Variants in JAKMIP1 observed in about 807,000 individuals in gnomAD.
JAKMIP1 encodes the protein janus kinase and microtubule interacting protein 1.
In JAKMIP1, 33 loss-of-function variants were observed where a neutral mutation model predicts 113.0. The observed-to-expected ratio is 0.29, with a 90% CI of 0.22 to 0.39. JAKMIP1 has a LOEUF of 0.39. Among genes scored for constraint, JAKMIP1 ranks in the 10% least tolerant of loss-of-function variants. JAKMIP1 has a pLI of 1.00. For missense variants in JAKMIP1, 813 were observed against 1,080.5 expected (o/e 0.75, Z 3.47); for synonymous variants, 480 against 459.9 (o/e 1.04, Z -0.56).
chr4:6,128,239 C>A (rs2108929374), intron 1 of JAKMIP1, among the ~76,000 whole-genome samples: 1 of 152,336 alleles, frequency 6.6e-6, no homozygotes, highest in Non-Finnish European at 1.5e-5. Flanking sequence ...GTTGTCTGGG[C>A]CTCAGTTTCC....
At chr4:6,120,721 A>G (rs999186882) in intron 1 of JAKMIP1, among the ~76,000 whole-genome samples, 1 of 152,184 alleles carries the variant, frequency 6.6e-6, no homozygotes, top group Non-Finnish European at 1.5e-5. Context: ...TTCTCTTTTG[A>G]GCAGAACTGA....
chr4:6,155,983 G>T lies in JAKMIP1; in HGVS notation c.-147-42986C>A, dbSNP rs918931322. Among the ~76,000 whole-genome samples, 2 of 152,234 alleles carry T rather than the reference G, an allele frequency of 1.3e-5. No individual in the cohort carries two copies. The highest frequency in any genetic ancestry group is 4.8e-5 in the African/African-American group (2 of 41,462). ...CTGCCACGGAAAGGGTCAGCTCTGT[G>T]ACTTCTGTCCGTGGTGGGTTCCTCA... On this transcript the variant is annotated intron_variant, in intron 1 of 20. Coordinates refer to ENST00000409021, the MANE Select transcript of JAKMIP1 (RefSeq NM_001099433.2). The surrounding 1 kb of genome is among the most constrained non-coding windows in gnomAD (Gnocchi z 6.1).
Position 6,185,695 on chromosome 4 carries a change from A to G in JAKMIP1, c.-148+14558T>C, listed in dbSNP as rs1270257080. ...AGCTGCAGAGTCCCTGATCCAGGAG[A>G]TCAGGGTGGGGCCAGAGGACCTGTG... On this transcript the variant is annotated intron_variant, in intron 1 of 20. Coordinates refer to ENST00000409021, the MANE Select transcript of JAKMIP1 (RefSeq NM_001099433.2). The surrounding 1 kb of genome is among the most constrained non-coding windows in gnomAD (Gnocchi z 5.3). Among the ~76,000 whole-genome samples, 1 of 152,068 alleles carries G rather than the reference A, an allele frequency of 6.6e-6. No individual in the cohort carries two copies.
intron 1 of JAKMIP1, among the ~76,000 whole-genome samples, chr4:6,123,265 A>G (rs1227459889): frequency 6.6e-6 from 1 of 152,174 alleles, no homozygotes; most frequent in Non-Finnish European, 1.5e-5. Context: ...TGCACACCAC[A>G]CAGTAGGCAA....
chr4:6,145,942 G>A (rs1720789400), intron 1 of JAKMIP1, among the ~76,000 whole-genome samples: 2 of 152,220 alleles, frequency 1.3e-5, no homozygotes, highest in South Asian at 2.1e-4. Flanking sequence ...TCCAAATACT[G>A]TCACATTCTG....
intron 1 of JAKMIP1, among the ~76,000 whole-genome samples, chr4:6,130,905 G>T (rs1343247249): frequency 1.3e-5 from 2 of 151,920 alleles, no homozygotes; most frequent in Non-Finnish European, 2.9e-5. Context: ...CAGGCGCGAT[G>T]GTTCAAACCT....
At chr4:6,036,621 A>G (rs973090081) in intron 18 of JAKMIP1, among the ~76,000 whole-genome samples, 13 of 152,192 alleles carry the variant, frequency 8.5e-5, no homozygotes, top group Non-Finnish European at 1.5e-5. Context: ...AACAAAAGCA[A>G]GCCACCCTTT....
rs1720036536 is a variant in JAKMIP1, at chr4:6,140,841, C to T, written c.-147-27844G>A. Among the ~76,000 whole-genome samples, 1 of 152,194 alleles carries T rather than the reference C, an allele frequency of 6.6e-6. No individual in the cohort carries two copies. Among genetic ancestry groups the T allele is most frequent in the Non-Finnish European group, 1.5e-5 (1 of 68,048 alleles). On this transcript the variant is annotated intron_variant, in intron 1 of 20. Transcript: ENST00000409021. This position sits in a 1 kb window ranked among gnomAD's most constrained non-coding sequence, Gnocchi z 9.4. Reference sequence around the variant, plus strand: ...AAAATTACTGACCTCAGGTCAGCCACAGGCACTGGTTGGAGCTCATCTGTC... The same window carrying T: ...AAAATTACTGACCTCAGGTCAGCCATAGGCACTGGTTGGAGCTCATCTGTC...
intron 1 of JAKMIP1, among the ~76,000 whole-genome samples, chr4:6,177,759 CCCA>C (rs1296791363): frequency 6.6e-6 from 1 of 152,192 alleles, no homozygotes; most frequent in Non-Finnish European, 1.5e-5. Context: ...CCACTCCACC[CCCA>C]ATGCCACTAC....
chr4:6,090,796 T>A (rs1041448097), intron 3 of JAKMIP1, among the ~76,000 whole-genome samples: 1 of 150,458 alleles, frequency 6.6e-6, no homozygotes, highest in African/African-American at 2.5e-5. Context: ...AACTAGAGTG[T>A]CACTCCCCAT....
intron 1 of JAKMIP1, among the ~76,000 whole-genome samples, chr4:6,172,389 G>T (rs1724833750): frequency 6.6e-6 from 1 of 152,184 alleles, no homozygotes; most frequent in Admixed American, 6.5e-5. Flanking sequence ...AATGAGGAAG[G>T]ACTGGGAATA....
chr4:6,048,949 T>C, intron 15 of JAKMIP1, 27 bp from the exon 16 acceptor site: 1 of 1,591,100 alleles, frequency 6.3e-7, no homozygotes, highest in South Asian at 1.1e-5. Context: ...GGCAAGGGCA[T>C]TTGACACTGG....
rs368998935 is a variant in JAKMIP1 at position 6,153,639 on chromosome 4, G to A, written c.-147-40642C>T. Among the ~76,000 whole-genome samples the A allele has an allele frequency of 4.6e-5, 7 of 152,238 alleles. No individual in the cohort carries two copies. The highest frequency in any genetic ancestry group is 7.4e-5 in the Non-Finnish European group (5 of 68,018). ...TTTTGTGGAAGGCCATCATGTTCCCGTGTGCCCCTCGGCACCTTACCTTTA... is the reference window on the plus strand; with the variant it reads ...TTTTGTGGAAGGCCATCATGTTCCCATGTGCCCCTCGGCACCTTACCTTTA... On this transcript the variant is annotated intron_variant, in intron 1 of 20. Coordinates refer to ENST00000409021, the MANE Select transcript of JAKMIP1 (RefSeq NM_001099433.2). This position sits in a 1 kb window ranked among gnomAD's most constrained non-coding sequence, Gnocchi z 4.9.
intron 8 of JAKMIP1, among the ~76,000 whole-genome samples, chr4:6,073,781 T>C (rs1719304651): frequency 6.6e-6 from 1 of 152,228 alleles, no homozygotes; most frequent in Non-Finnish European, 1.5e-5. Flanking sequence ...CTGACTCCCA[T>C]ACTGCTTGGG....
chr4:6,138,342 G>T lies in JAKMIP1; in HGVS notation c.-147-25345C>A, dbSNP rs1409873129. Among the ~76,000 whole-genome samples, 1 of 152,028 alleles carries T rather than the reference G, an allele frequency of 6.6e-6. No individual in the cohort carries two copies. Among genetic ancestry groups the T allele is most frequent in the Non-Finnish European group, 1.5e-5 (1 of 68,000 alleles). On this transcript the variant is annotated intron_variant, in intron 1 of 20. Coordinates refer to ENST00000409021, the MANE Select transcript of JAKMIP1 (RefSeq NM_001099433.2). This position sits in a 1 kb window ranked among gnomAD's most constrained non-coding sequence, Gnocchi z 6.0. ...GGCTCACTGCAACCTCTGCCTCCTGGGTTCAAGCGATTCTCCTGCCTCAGC... is the reference window on the plus strand; with the variant it reads ...GGCTCACTGCAACCTCTGCCTCCTGTGTTCAAGCGATTCTCCTGCCTCAGC...
rs1455555871 is a variant in JAKMIP1, at chr4:6,153,675, A to G, written c.-147-40678T>C. On this transcript the variant is annotated intron_variant, in intron 1 of 20. Coordinates refer to ENST00000409021, the MANE Select transcript of JAKMIP1 (RefSeq NM_001099433.2). This position sits in a 1 kb window ranked among gnomAD's most constrained non-coding sequence, Gnocchi z 4.9. ...GGCACCTTACCTTTATGTGCTTAGT[A>G]CTTTTCTTTAACACTACTGACTTTT... is the stretch of plus-strand genomic sequence containing the variant. Among the ~76,000 whole-genome samples the G allele has an allele frequency of 6.6e-6, 1 of 152,152 alleles. No individual in the cohort carries two copies. Among genetic ancestry groups the G allele is most frequent in the East Asian group, 1.9e-4 (1 of 5,196 alleles).
chr4:6,146,243 G>C (rs1464658353), intron 1 of JAKMIP1, among the ~76,000 whole-genome samples: 1 of 131,502 alleles, frequency 7.6e-6, no homozygotes, highest in Non-Finnish European at 1.6e-5. Flanking sequence ...GGGAGGTTGC[G>C]GGGGGATGAG....
chr4:6,033,177 C>G (rs1385792670), intron 19 of JAKMIP1, among the ~76,000 whole-genome samples: 2 of 152,186 alleles, frequency 1.3e-5, no homozygotes, highest in East Asian at 3.8e-4. Context: ...TGGAAAATGC[C>G]AATTTCAGCT....
chr4:6,180,613 A>G lies in JAKMIP1; in HGVS notation c.-148+19640T>C, dbSNP rs945097206. 1.3e-5 allele frequency among the ~76,000 whole-genome samples: 2 copies of G among 152,198 alleles called. No individual in the cohort carries two copies. The highest frequency in any genetic ancestry group is 2.9e-5 in the Non-Finnish European group (2 of 68,042). On this transcript the variant is annotated intron_variant, in intron 1 of 20. Coordinates refer to ENST00000409021, the MANE Select transcript of JAKMIP1 (RefSeq NM_001099433.2). This position sits in a 1 kb window ranked among gnomAD's most constrained non-coding sequence, Gnocchi z 4.5. Reference sequence around the variant, plus strand: ...GCAGGAACTGTTTCAAACTGTCCAAATTACCTAGTATTCTGCAGCCCTGTG... The same window carrying G: ...GCAGGAACTGTTTCAAACTGTCCAAGTTACCTAGTATTCTGCAGCCCTGTG...
Sources: gnomAD v4.1 joint callset for allele counts (sites outside exome capture counted in the v4.1 genomes callset) on GRCh38, gnomAD v4.1.1 for gene constraint, Gnocchi (gnomAD v3.1) non-coding constraint, MANE v1.5 for transcripts, NCBI Gene and HGNC (gene_info 2026-07-23, HGNC 2026-07-21) for gene names.